PDE6B: variants seen among roughly 807,000 people sequenced by gnomAD.
PDE6B encodes the protein phosphodiesterase 6B.
A neutral mutation model predicts 109.0 loss-of-function variants in PDE6B; 106 were observed. The observed-to-expected ratio is 0.97, with a 90% confidence interval of 0.83 to 1.14. The LOEUF is 1.14. Ranked by LOEUF, PDE6B falls within the 50% of genes most tolerant of loss-of-function variation. The pLI is 0.00. For synonymous variants in PDE6B, 490 were observed against 471.3 expected, an observed-to-expected ratio of 1.04 and a Z score of -0.51; for missense variants, 1,193 against 1,155.6, an observed-to-expected ratio of 1.03 and a Z score of -0.47.
intron 17 of PDE6B, 46 bp from the exon 18 acceptor site, chr4:664,835 C>T (rs572996252): frequency 7.5e-6 from 11 of 1,468,230 alleles, no homozygotes; most frequent in South Asian, 2.3e-5. Context: ...AACCACCTGC[C>T]CTCAGGAGAC....
Position 633,857 on chromosome 4 carries a change from T to G in PDE6B, c.469-820T>G, listed in dbSNP as rs1734509301. 6.6e-6 allele frequency among the ~76,000 whole-genome samples: 1 copy of G among 152,160 alleles called. No individual in the cohort carries two copies. Among genetic ancestry groups the G allele is most frequent in the African/African-American group, 2.4e-5 (1 of 41,444 alleles). On this transcript the variant is annotated intron_variant, in intron 1 of 21. Coordinates refer to ENST00000496514, the MANE Select transcript of PDE6B (RefSeq NM_000283.4). This position sits in a 1 kb window ranked among gnomAD's most constrained non-coding sequence, Gnocchi z 4.5. ...AACTCTCTGAAGGACAGAATCCCAG[T>G]CACCGGGGGGTGTCTGGTCTCAGTA...
chr4:647,406 C>T (rs1027121516), intron 3 of PDE6B, among the ~76,000 whole-genome samples: 4 of 152,086 alleles, frequency 2.6e-5, no homozygotes, highest in South Asian at 2.1e-4. Context: ...CAGCAGCTTC[C>T]GCGCCCTTGT....
chr4:639,133 GT>G (rs1437955175), intron 3 of PDE6B, among the ~76,000 whole-genome samples: 1 of 151,198 alleles, frequency 6.6e-6, no homozygotes, highest in Non-Finnish European at 1.5e-5. Flanking sequence ...GGGCAGTTTT[GT>G]TTTTTTGGGG....
rs1379502550 is a variant in PDE6B at position 670,189 on chromosome 4, A to G, written c.*82A>G. ...GTTCTGCCTGTGGCTATTTGCTACA[A>G]GAGGTTAGGAAGCCCAAGAAAATGA... On this transcript the variant is annotated 3_prime_UTR_variant, in exon 22 of 22. Coordinates refer to ENST00000496514, the MANE Select transcript of PDE6B (RefSeq NM_000283.4). The G allele has an allele frequency of 1.6e-5, 26 of 1,607,700 alleles. No homozygotes were observed. The highest frequency in any genetic ancestry group is 2.2e-5 in the East Asian group (1 of 44,824).
chr4:650,136 T>G (rs1735427672), intron 3 of PDE6B, among the ~76,000 whole-genome samples: 1 of 152,062 alleles, frequency 6.6e-6, no homozygotes, highest in Non-Finnish European at 1.5e-5. Context: ...GGGCACGGGC[T>G]TGGGGCAGGA....
chr4:654,513 T>G, intron 5 of PDE6B: 1 of 589,228 alleles, frequency 1.7e-6, no homozygotes, highest in Non-Finnish European at 3.1e-6. Context: ...TGTGGGATTG[T>G]GCGGAACACA....
At chr4:627,828 C>T (rs1734190206) in intron 1 of PDE6B, among the ~76,000 whole-genome samples, 4 of 152,100 alleles carry the variant, frequency 2.6e-5, no homozygotes, top group Admixed American at 2.6e-4. Flanking sequence ...GAGTTTGTCC[C>T]CCGCTGCCAC....
rs568395707 is a variant in PDE6B, at chr4:644,911, T to G, written c.712-8941T>G. On this transcript the variant is annotated intron_variant, in intron 3 of 21. Coordinates refer to ENST00000496514, the MANE Select transcript of PDE6B (RefSeq NM_000283.4). Reference sequence around the variant, plus strand: ...TCATTCTGATAGAGGGTACTAAGTCTCCAACAGTAGTGGAGGATGCGTCTC... The same window carrying G: ...TCATTCTGATAGAGGGTACTAAGTCGCCAACAGTAGTGGAGGATGCGTCTC... Among the ~76,000 whole-genome samples, 5 of 152,196 alleles carry G rather than the reference T, an allele frequency of 3.3e-5. No homozygotes were observed. In the East Asian group the frequency reaches 9.6e-4, roughly 29 times the overall value.
rs776349696 is a variant in PDE6B, at chr4:662,481, G to C, written c.1723-28G>C. The C allele has an allele frequency of 6.8e-7, 1 of 1,461,752 alleles. No individual in the cohort carries two copies. The highest frequency in any genetic ancestry group is 1.7e-5 in the Admixed American group (1 of 59,838). The allele number at this position is 1,461,752 out of a possible 1,614,324, so 90.5% of individuals were successfully genotyped here. On this transcript the variant is annotated intron_variant, in intron 13 of 21. Coordinates refer to ENST00000496514, the MANE Select transcript of PDE6B (RefSeq NM_000283.4). The surrounding 1 kb of genome is among the most constrained non-coding windows in gnomAD (Gnocchi z 4.3). Reference sequence around the variant, plus strand: ...TCCCCACCCTGCTGGAGCCAGGACCGGTGAGCAAGGTGGCCCTGTCTCTAC... The same window carrying C: ...TCCCCACCCTGCTGGAGCCAGGACCCGTGAGCAAGGTGGCCCTGTCTCTAC...
Position 648,835 on chromosome 4 carries a change from G to C in PDE6B, c.712-5017G>C, listed in dbSNP as rs990275390. On this transcript the variant is annotated intron_variant, in intron 3 of 21. Transcript: ENST00000496514. The surrounding 1 kb of genome is among the most constrained non-coding windows in gnomAD (Gnocchi z 4.5). Reference sequence around the variant, plus strand: ...GCTCTCACCTTCAGGCCGGCCATGCGTCAGGACCCGGTGGCTCGCTGCAAG... The same window carrying C: ...GCTCTCACCTTCAGGCCGGCCATGCCTCAGGACCCGGTGGCTCGCTGCAAG... 6.6e-6 allele frequency among the ~76,000 whole-genome samples: 1 copy of C among 152,242 alleles called. No homozygotes were observed. Among genetic ancestry groups the C allele is most frequent in the Non-Finnish European group, 1.5e-5 (1 of 68,038 alleles).
chr4:634,998 T>C (rs1448052703), intron 2 of PDE6B, among the ~76,000 whole-genome samples, 169 bp downstream of exon 2: 38 of 107,196 alleles, frequency 3.5e-4, no homozygotes, highest in Non-Finnish European at 3.8e-4. Flanking sequence ...CTGTGCTGCG[T>C]GTCTGCCTCC....
chr4:664,493 G>A (rs1737551342), intron 17 of PDE6B, among the ~76,000 whole-genome samples: 2 of 152,090 alleles, frequency 1.3e-5, no homozygotes, highest in South Asian at 4.1e-4. Context: ...TTTTTCACCT[G>A]TAAAATGGTG....
Position 634,846 on chromosome 4 carries a change from C to T in PDE6B, c.621+17C>T, listed in dbSNP as rs374771421. ...GACGAAGATGTGAGTGTGGGGGGCA[C>T]CTGGGCAGCCGCGCGTCTGCCTCCC... On this transcript the variant is annotated intron_variant, in intron 2 of 21. Coordinates refer to ENST00000496514, the MANE Select transcript of PDE6B (RefSeq NM_000283.4). 2 of 1,612,114 alleles carry T rather than the reference C, an allele frequency of 1.2e-6. No individual in the cohort carries two copies. Among genetic ancestry groups the T allele is most frequent in the African/African-American group, 1.3e-5 (1 of 74,970 alleles).
chr4:654,366 C>T (rs767528822), intron 5 of PDE6B: 5 of 677,026 alleles, frequency 7.4e-6, no homozygotes, highest in Non-Finnish European at 1.4e-5. Context: ...GAATGAGGGC[C>T]GCCAGGCTGG....
At chr4:667,094 G>A (rs1350632519) in intron 20 of PDE6B, among the ~76,000 whole-genome samples, 2 of 152,252 alleles carry the variant, frequency 1.3e-5, no homozygotes, top group Non-Finnish European at 2.9e-5. Context: ...ATCTGCCACA[G>A]TCCGATGCCA....
At chr4:635,417 G>A (rs1451255102) in intron 2 of PDE6B, among the ~76,000 whole-genome samples, 48 of 103,654 alleles carry the variant, frequency 4.6e-4, no homozygotes, top group East Asian at 6.8e-4. Flanking sequence ...GTTCTGTGCT[G>A]TGCGTCCACC....
In PDE6B at chr4:663,725, G is replaced by C. The variant is rs553111653; in HGVS notation, c.1921-45G>C. On this transcript the variant is annotated intron_variant, in intron 15 of 21. Coordinates refer to ENST00000496514, the MANE Select transcript of PDE6B (RefSeq NM_000283.4). The surrounding 1 kb of genome is among the most constrained non-coding windows in gnomAD (Gnocchi z 4.0). The stretch of plus-strand genomic sequence containing the variant: ...GGGGCGGGGTCCCCGGGCACCCTGA[G>C]AGGTGGCCGCAGGGCGCCTGACGCG... 38 of 1,447,388 alleles carry C rather than the reference G, an allele frequency of 2.6e-5. No individual in the cohort carries two copies. The African/African-American group carries it at 4.2e-4, about 16-fold the overall frequency. The allele number at this position is 1,447,388 out of a possible 1,614,324, so 89.7% of individuals were successfully genotyped here.
At chr4:628,663 C>T (rs1264287142) in intron 1 of PDE6B, among the ~76,000 whole-genome samples, 1 of 152,204 alleles carries the variant, frequency 6.6e-6, no homozygotes, top group African/African-American at 2.4e-5. Context: ...AGGGTGAAGG[C>T]TGCAGTAGCC....
chr4:642,725 C>CAGA (rs1553805595), intron 3 of PDE6B, among the ~76,000 whole-genome samples: 1 of 43,336 alleles, frequency 2.3e-5, no homozygotes, highest in African/African-American at 9.3e-5. Flanking sequence ...GACACTGTCT[C>CAGA]AAAAAAAAAA....
Sources: allele counts gnomAD v4.1 joint callset (sites outside exome capture counted in the v4.1 genomes callset), GRCh38; gene constraint gnomAD v4.1.1; non-coding constraint Gnocchi (gnomAD v3.1); transcripts MANE v1.5; gene names NCBI Gene and HGNC (gene_info 2026-07-23, HGNC 2026-07-21).